CUX1: variants seen among roughly 807,000 people sequenced by gnomAD.
The protein encoded by CUX1 is cut like homeobox 1.
Under a neutral mutation model 158.8 loss-of-function variants are expected in CUX1, and 31 were observed. The observed-to-expected ratio is 0.20, with a 90% CI of 0.15 to 0.26. The LOEUF is 0.26. Among genes scored for constraint, CUX1 ranks in the 10% least tolerant of loss-of-function variants. CUX1 has a pLI of 1.00. For synonymous variants in CUX1, 879 were observed against 862.1 expected, an observed-to-expected ratio of 1.02 and a Z score of -0.34; for missense variants, 1,589 against 2,014.6, an observed-to-expected ratio of 0.79 and a Z score of 4.04.
chr7:102,128,871 G>A (rs571715786), intron 8 of CUX1, among the ~76,000 whole-genome samples: 1 of 152,016 alleles, frequency 6.6e-6, no homozygotes, highest in East Asian at 1.9e-4. Context: ...CTAGCTACTC[G>A]GGAGGCTGAA....
chr7:101,882,186 A>AAAAC (rs1417064210), intron 1 of CUX1, among the ~76,000 whole-genome samples: 3 of 152,184 alleles, frequency 2.0e-5, no homozygotes, highest in Non-Finnish European at 4.4e-5. Context: ...TCCTATCTCA[A>AAAAC]AAACAAACAA....
At chr7:102,107,739 T>TA (rs1239773212) in intron 6 of CUX1, among the ~76,000 whole-genome samples, 1 of 152,214 alleles carries the variant, frequency 6.6e-6, no homozygotes, top group African/African-American at 2.4e-5. Flanking sequence ...CTTTTGCGGC[T>TA]AATCAGGGCC....
chr7:102,257,594 G>T lies in CUX1; in HGVS notation c.*8552G>T. On this transcript the variant is annotated 3_prime_UTR_variant, in exon 24 of 24. Coordinates refer to ENST00000292535, the MANE Select transcript of CUX1 (RefSeq NM_181552.4). ...CTTTGCGTTTGTGCAATAACTCTTT[G>T]CTGCTTGCCTTGAGAGCGGGTAGCA... 1.0e-6 allele frequency: 1 copy of T among 985,340 alleles called. No homozygotes were observed. Among genetic ancestry groups the T allele is most frequent in the Non-Finnish European group, 1.2e-6 (1 of 829,926 alleles). 61.0% of individuals were successfully genotyped at this position (985,340 alleles called of 1,614,324 possible).
intron 9 of CUX1, 97 bp downstream of exon 9, chr7:102,158,705 T>C: frequency 5.1e-6 from 6 of 1,171,766 alleles, no homozygotes; most frequent in Non-Finnish European, 6.3e-6. Flanking sequence ...AGGCCGGTTA[T>C]CCTTCCATTT....
intron 2 of CUX1, among the ~76,000 whole-genome samples, chr7:101,962,616 C>T (rs1370175189): frequency 6.6e-6 from 1 of 152,180 alleles, no homozygotes; most frequent in Non-Finnish European, 1.5e-5. Context: ...GCTGAAGACT[C>T]CTTCCTGGGA....
At chr7:101,816,129 G>T (rs369556433), upstream of CUX1, 2 of 1,268,246 alleles carry the variant, frequency 1.6e-6, no homozygotes, top group Non-Finnish European at 2.1e-6. Flanking sequence ...GCGCCCGGGG[G>T]TGGGGGCTGC....
At chr7:102,276,652 T>A (rs2132821574) in intron 17 of CUX1, among the ~76,000 whole-genome samples, 1 of 152,318 alleles carries the variant, frequency 6.6e-6, no homozygotes, top group East Asian at 1.9e-4. Flanking sequence ...AGCATTTGAA[T>A]AAATTGAAAA....
chr7:102,192,030 C>G (rs1794333932), intron 12 of CUX1, among the ~76,000 whole-genome samples: 1 of 152,216 alleles, frequency 6.6e-6, no homozygotes, highest in Non-Finnish European at 1.5e-5. Flanking sequence ...CCACCATGTG[C>G]ACATCTGGAA....
chr7:102,066,192 G>C (rs926078330), intron 3 of CUX1, among the ~76,000 whole-genome samples: 13 of 152,150 alleles, frequency 8.5e-5, no homozygotes, highest in African/African-American at 3.1e-4. Context: ...GTGGTTTCCT[G>C]GTCATCTTCT....
At chr7:102,246,911 A>G (rs922923599) in intron 23 of CUX1, among the ~76,000 whole-genome samples, 7 of 152,202 alleles carry the variant, frequency 4.6e-5, no homozygotes, top group African/African-American at 1.7e-4. Context: ...TTATACCTGT[A>G]GTATCAACAC....
chr7:102,277,789 GC>G (rs1365708392), intron 17 of CUX1, among the ~76,000 whole-genome samples: 1 of 152,028 alleles, frequency 6.6e-6, no homozygotes, highest in Non-Finnish European at 1.5e-5. Flanking sequence ...CCTGACTTCT[GC>G]CTGTGGTGGG....
At chr7:101,979,446 T>C (rs796688535) in intron 2 of CUX1, among the ~76,000 whole-genome samples, 10 of 152,356 alleles carry the variant, frequency 6.6e-5, no homozygotes, top group African/African-American at 2.4e-4. Context: ...AGATTAACAT[T>C]GTCACTAGTT....
chr7:102,083,066 C>A (rs1226815182), intron 4 of CUX1, among the ~76,000 whole-genome samples: 3 of 146,724 alleles, frequency 2.0e-5, no homozygotes, highest in African/African-American at 7.3e-5. Context: ...ATTTTCTTTT[C>A]CTCAGGATAG....
In CUX1 at chr7:102,097,629, G is replaced by C. The variant is rs1223188086; in HGVS notation, c.406+128G>C. The C allele has an allele frequency of 4.0e-6, 4 of 988,600 alleles. No homozygotes were observed. The East Asian group carries it at 1.1e-4, about 27-fold the overall frequency. 61.2% of individuals were successfully genotyped at this position (988,600 alleles called of 1,614,324 possible). A position where few individuals can be genotyped will look rare whatever the true frequency, so the allele number is the denominator to read the frequency against. On this transcript the variant is annotated intron_variant, in intron 5 of 23. Transcript: ENST00000292535. ...AATATACACGTCATAAAGTCAGGGT[G>C]GGGCAGGAATCTGAGTCGTTAAAGA...
intron 1 of CUX1, among the ~76,000 whole-genome samples, chr7:101,827,654 G>A (rs1038805670): frequency 6.6e-6 from 1 of 152,016 alleles, no homozygotes; most frequent in East Asian, 1.9e-4. Flanking sequence ...ATAGCCTACC[G>A]CTGATGGGAA....
intron 20 of CUX1, among the ~76,000 whole-genome samples, chr7:102,212,324 C>A (rs1796615955): frequency 6.6e-6 from 1 of 152,108 alleles, no homozygotes; most frequent in African/African-American, 2.4e-5. Flanking sequence ...AGCAAGGCAG[C>A]CTACGCAGGC....
chr7:102,175,036 CACCTCATTT>C (rs1278165834), intron 10 of CUX1, among the ~76,000 whole-genome samples: 3 of 152,224 alleles, frequency 2.0e-5, no homozygotes, highest in African/African-American at 7.2e-5. Flanking sequence ...GGTTCATTTT[CACCTCATTT>C]AGTTCGTGCG....
At chr7:102,042,842 T>C (rs1563167362) in intron 3 of CUX1, among the ~76,000 whole-genome samples, 1 of 152,132 alleles carries the variant, frequency 6.6e-6, no homozygotes, top group African/African-American at 2.4e-5. Flanking sequence ...CAGGCTGGAG[T>C]GCAGTGGCAT....
intron 2 of CUX1, among the ~76,000 whole-genome samples, chr7:101,986,583 C>G (rs892257873): frequency 6.6e-6 from 1 of 152,156 alleles, no homozygotes; most frequent in African/African-American, 2.4e-5. Context: ...AGTGACAGAG[C>G]CTCTGTAAAG....
Sources: gnomAD v4.1 joint callset for allele counts (sites outside exome capture counted in the v4.1 genomes callset) on GRCh38, gnomAD v4.1.1 for gene constraint, MANE v1.5 for transcripts, NCBI Gene and HGNC (gene_info 2026-07-23, HGNC 2026-07-21) for gene names.